The following PKMYT1 variants were observed in gnomAD, a reference collection of about 807,000 sequenced individuals.
The protein encoded by PKMYT1 is membrane-associated tyrosine- and threonine-specific cdc2-inhibitory kinase.
PKMYT1 carries 35 observed loss-of-function variants against 49.7 expected under a neutral mutation model. That is an observed-to-expected ratio of 0.70 (90% CI 0.54 to 0.93). PKMYT1 has a LOEUF of 0.93. Ranked by LOEUF, PKMYT1 falls within the 40% of genes least tolerant of loss-of-function variation. PKMYT1 has a pLI of 0.00. For missense variants in PKMYT1, 677 were observed against 673.1 expected (o/e 1.01, Z -0.06); for synonymous variants, 331 against 287.6 (o/e 1.15, Z -1.53).
In PKMYT1 at chr16:2,973,534, G is replaced by A. The variant is rs1052424384; in HGVS notation, c.1311-319C>T. ...TATCAAGTGCCCCGAGGGATGAGGT[G>A]ATGTGTTTGTAAGGAAGGGGCTAAC... On this transcript the variant is annotated intron_variant, in intron 7 of 8. Coordinates refer to ENST00000262300, the MANE Select transcript of PKMYT1 (RefSeq NM_004203.5). 5 of 1,142,174 alleles carry A rather than the reference G, an allele frequency of 4.4e-6. No homozygotes were observed. The African/African-American group carries it at 7.8e-5, about 18-fold the overall frequency. The allele number at this position is 1,142,174 out of a possible 1,614,324, so 70.8% of individuals were successfully genotyped here.
intron 2 of PKMYT1, chr16:2,977,298 C>G: frequency 6.9e-6 from 9 of 1,298,516 alleles, no homozygotes; most frequent in Non-Finnish European, 8.9e-6. Flanking sequence ...GTCTTGCAGT[C>G]GGGTTAAGAG....
chr16:2,978,794 G>GC (rs1390087973), intron 2 of PKMYT1, among the ~76,000 whole-genome samples: 2 of 148,166 alleles, frequency 1.3e-5, no homozygotes, highest in Non-Finnish European at 3.0e-5. Context: ...AACACTTTAT[G>GC]CCCCAAGGTA....
intron 4 of PKMYT1, 133 bp downstream of exon 4, chr16:2,975,185 TG>T: frequency 9.1e-7 from 1 of 1,100,162 alleles, no homozygotes; most frequent in Non-Finnish European, 1.3e-6. Context: ...AGGGCAGGGA[TG>T]GCGTCTCAGC....
intron 2 of PKMYT1, among the ~76,000 whole-genome samples, chr16:2,978,384 G>A (rs762413653): frequency 6.6e-6 from 1 of 152,172 alleles, no homozygotes; most frequent in Non-Finnish European, 1.5e-5. Context: ...GAGCTAGCTA[G>A]GAAGAGCCTG....
At position 2,974,144 on chromosome 16, in the gene PKMYT1, AG is replaced by A; in HGVS notation, c.1165del (p.Leu389CysfsTer48). The A allele has an allele frequency of 1.9e-6, 3 of 1,600,858 alleles. No individual in the cohort carries two copies. The highest frequency in any genetic ancestry group is 2.6e-6 in the Non-Finnish European group (3 of 1,173,998). On this transcript the variant is annotated frameshift_variant, in exon 7 of 9. Coordinates refer to ENST00000262300, the MANE Select transcript of PKMYT1 (RefSeq NM_004203.5). LOFTEE classifies it high-confidence loss of function. ...GWALWQALLA[L>X]LCWLWHGLAH... Reference sequence around the variant, plus strand: ...CAGCCCATGCCAGAGCCAGCAGAGCAGGGCAAGCAGGGCCTGTGGGGGAGAG... The same window carrying A: ...CAGCCCATGCCAGAGCCAGCAGAGCAGGCAAGCAGGGCCTGTGGGGGAGAG...
In PKMYT1 at chr16:2,975,958, G is replaced by A. The variant is rs542485983; in HGVS notation, c.379-146C>T. On this transcript the variant is annotated intron_variant, in intron 3 of 8. Transcript: ENST00000262300. ...GGCATCTGTCTCAGACCCCTGCCCAGGGTAATAACAAAACCAGACAAACCT... is the reference window on the plus strand; with the variant it reads ...GGCATCTGTCTCAGACCCCTGCCCAAGGTAATAACAAAACCAGACAAACCT... The A allele has an allele frequency of 1.6e-5, 14 of 850,896 alleles. No homozygotes were observed. The South Asian group carries it at 2.2e-4, about 13-fold the overall frequency. The allele number at this position is 850,896 out of a possible 1,614,324, so 52.7% of individuals were successfully genotyped here. A position where few individuals can be genotyped will look rare whatever the true frequency, so the allele number is the denominator to read the frequency against.
chr16:2,979,647 C>T lies in PKMYT1; in HGVS notation c.10+1G>A. ...CCCACCGTCCCTGCCCTACGACTTA[C>T]GTTCTAGCATGACTGGCCTGGCCCA... is the stretch of plus-strand genomic sequence containing the variant. On this transcript the variant is annotated splice_donor_variant, in intron 2 of 8. Transcript: ENST00000262300. LOFTEE classifies it high-confidence loss of function. 4 of 1,612,794 alleles carry T rather than the reference C, an allele frequency of 2.5e-6. No homozygotes were observed. Among genetic ancestry groups the T allele is most frequent in the South Asian group, 1.1e-5 (1 of 91,046 alleles).
chr16:2,973,477 A>T (rs1369127271), intron 7 of PKMYT1: 1 of 1,493,302 alleles, frequency 6.7e-7, no homozygotes, highest in East Asian at 2.6e-5. Context: ...AACTTTTAGT[A>T]AATGTAAGCC....
chr16:2,973,672 C>T (rs1386997693), intron 7 of PKMYT1: 1 of 453,048 alleles, frequency 2.2e-6, no homozygotes, highest in Non-Finnish European at 4.0e-6. Context: ...CAGGGCTCCC[C>T]AGACTCCAGA....
rs2072220181 is a variant in PKMYT1, at chr16:2,977,133, C to T, written c.11-102G>A. 6 of 1,539,222 alleles carry T rather than the reference C, an allele frequency of 3.9e-6. No individual in the cohort carries two copies. In the Admixed American group the frequency reaches 1.2e-4, roughly 30 times the overall value. The stretch of plus-strand genomic sequence containing the variant: ...GCCACAGAAGAGAGCTATGTCTATA[C>T]CACACACTTATTCTACTTTAAACGG... On this transcript the variant is annotated intron_variant, in intron 2 of 8. Transcript: ENST00000262300.
rs544477825 is a variant in PKMYT1 at position 2,973,145 on chromosome 16, T to C, written c.1381A>G (p.Thr461Ala). ...GSTSTPRSRC[T>A]PRDALDLSDI... is the part of the protein sequence containing the mutation. ...GCCCCTGGACCTGCTTACCTGGGTG[T>C]GCACCTGCTCCGGGGGGTGGAGGTG... The change falls in exon 8 of 9, where the codon ACA (threonine) becomes GCA (alanine). Residue 461 changes from threonine to alanine, a missense_variant. Transcript: ENST00000262300. 1 of 1,549,840 alleles carries C rather than the reference T, an allele frequency of 6.5e-7. No individual in the cohort carries two copies. The highest frequency in any genetic ancestry group is 8.8e-7 in the Non-Finnish European group (1 of 1,142,006).
chr16:2,976,535 G>A, intron 3 of PKMYT1, 129 bp downstream of exon 3: 2 of 895,686 alleles, frequency 2.2e-6, no homozygotes, highest in East Asian at 3.1e-5. Context: ...GGGAGCCTGT[G>A]AGCCCAGCAG....
In PKMYT1 at chr16:2,974,667, CGGGATGGGG is replaced by C; in HGVS notation, c.873-20_873-12del. 1 of 1,537,990 alleles carries C rather than the reference CGGGATGGGG, an allele frequency of 6.5e-7. No individual in the cohort carries two copies. The highest frequency in any genetic ancestry group is 8.8e-7 in the Non-Finnish European group (1 of 1,134,332). On this transcript the variant is annotated splice_polypyrimidine_tract_variant and intron_variant, in intron 4 of 8. Coordinates refer to ENST00000262300, the MANE Select transcript of PKMYT1 (RefSeq NM_004203.5). ...ATGGTGAGGCCCAGACTGGCAGGGA[CGGGATGGGG>C]ACAGAAAGGGGCAGGGTTGGCCCTG... is the stretch of plus-strand genomic sequence containing the variant.
At chr16:2,979,530 G>T in intron 2 of PKMYT1, 118 bp downstream of exon 2, 2 of 812,302 alleles carry the variant, frequency 2.5e-6, no homozygotes, top group Non-Finnish European at 4.3e-6. Flanking sequence ...CCAGGGTGTT[G>T]GGATCCTGGA....
At position 2,975,738 on chromosome 16, in the gene PKMYT1, C is replaced by T. The variant is rs754800944; in HGVS notation, c.453G>A (p.Arg151=). 2.5e-6 allele frequency: 4 copies of T among 1,603,060 alleles called. No homozygotes were observed. Among genetic ancestry groups the T allele is most frequent in the East Asian group, 2.2e-5 (1 of 44,872 alleles). ...TGCCCACCTCGGCCAACTTGCGGGC[C>T]CGGTCCTTGGGGCCCCGGAATGGTG... ...SMSPFRGPKD[R]ARKLAEVGSH... The change falls in exon 4 of 9, where the codon CGG becomes CGA. Residue 151 remains arginine, a synonymous_variant. Coordinates refer to ENST00000262300, the MANE Select transcript of PKMYT1 (RefSeq NM_004203.5).
chr16:2,979,094 G>A (rs888225772), intron 2 of PKMYT1, among the ~76,000 whole-genome samples: 1 of 152,040 alleles, frequency 6.6e-6, no homozygotes, highest in East Asian at 2.0e-4. Flanking sequence ...CCAGCACTTC[G>A]GGAGGCAAGG....
At position 2,975,698 on chromosome 16, in the gene PKMYT1, C is replaced by A; in HGVS notation, c.493G>T (p.Gly165Trp). ...LAEVGSHEKV[G>W]QHPCCVRLEQ... ...AGCCGCACGCAGCATGGGTGCTGCCCCACCTTCTCGTGGCTGCCCACCTCG... is the reference window on the plus strand; with the variant it reads ...AGCCGCACGCAGCATGGGTGCTGCCACACCTTCTCGTGGCTGCCCACCTCG... The change falls in exon 4 of 9, where the codon GGG (glycine) becomes TGG (tryptophan). Residue 165 changes from glycine (G) to tryptophan (W), a missense_variant. Coordinates refer to ENST00000262300, the MANE Select transcript of PKMYT1 (RefSeq NM_004203.5). 1 of 1,608,914 alleles carries A rather than the reference C, an allele frequency of 6.2e-7. No homozygotes were observed.
chr16:2,973,695 C>T (rs2072083425), intron 7 of PKMYT1: 1 of 484,218 alleles, frequency 2.1e-6, no homozygotes, highest in African/African-American at 2.0e-5. Context: ...CTTTCTCTTC[C>T]CAGAGAAGGG....
Position 2,976,992 on chromosome 16 carries a change from G to C in PKMYT1, c.50C>G (p.Thr17Ser). 1.3e-6 allele frequency: 2 copies of C among 1,571,048 alleles called. No individual in the cohort carries two copies. The highest frequency in any genetic ancestry group is 1.3e-5 in the African/African-American group (1 of 74,270). The change falls in exon 3 of 9, where the codon ACC (threonine) becomes AGC (serine). Residue 17 changes from threonine to serine, a missense_variant. Coordinates refer to ENST00000262300, the MANE Select transcript of PKMYT1 (RefSeq NM_004203.5). ...ALAMPMPTEG[T>S]PPPLSGTPIP... ...GGGGGTGCCACTCAGAGGTGGCGGG[G>C]TGCCCTCCGTGGGCATGGGCATGGC...
Sources: gnomAD v4.1 joint callset for allele counts (sites outside exome capture counted in the v4.1 genomes callset) on GRCh38, gnomAD v4.1.1 for gene constraint, MANE v1.5 for transcripts, NCBI Gene and HGNC (gene_info 2026-07-23, HGNC 2026-07-21) for gene names.